KIAA0586: variants seen among roughly 807,000 people sequenced by gnomAD.
The protein encoded by KIAA0586 is KIAA0586.
Under a neutral mutation model 169.8 loss-of-function variants are expected in KIAA0586, and 144 were observed. That is an observed-to-expected ratio of 0.85 (90% CI 0.74 to 0.97). The LOEUF (loss-of-function observed/expected upper bound fraction) is 0.97, where lower values mean the gene tolerates loss of function less well. Ranked by LOEUF, KIAA0586 falls within the 50% of genes least tolerant of loss-of-function variation. The pLI is 0.00. For synonymous variants in KIAA0586, 625 were observed against 612.4 expected (o/e 1.02, Z -0.30); for missense variants, 1,854 against 1,823.0 (o/e 1.02, Z -0.31).
intron 20 of KIAA0586, among the ~76,000 whole-genome samples, chr14:58,478,599 T>A (rs2041822878): frequency 6.6e-6 from 1 of 152,162 alleles, no homozygotes; most frequent in Admixed American, 6.5e-5. Context: ...CCCAAAGCAC[T>A]GGGATTACAG....
intron 8 of KIAA0586, among the ~76,000 whole-genome samples, chr14:58,451,399 G>C (rs2039377175): frequency 6.6e-6 from 1 of 151,202 alleles, no homozygotes; most frequent in Non-Finnish European, 1.5e-5. Flanking sequence ...GCTAATTTTT[G>C]TATTTTTCAT....
In KIAA0586 at chr14:58,448,406, G is replaced by C. The variant is rs2039083806; in HGVS notation, c.874G>C (p.Ala292Pro). The change falls in exon 7 of 31, where the codon GCA (alanine) becomes CCA (proline). Residue 292 changes from alanine (A) to proline (P), a missense_variant. Physicochemically the swap from Ala to Pro is conservative, Grantham distance 27. Transcript: ENST00000652326. The stretch of plus-strand genomic sequence containing the variant: ...GCCTGTTAGTATGCCCTCCTCCAGA[G>C]CAGTGGAAAAGTATTCCGTAAAACC... ...FQPVSMPSSR[A>P]VEKYSVKPEH... 6.2e-7 allele frequency: 1 copy of C among 1,609,876 alleles called. No homozygotes were observed. Among genetic ancestry groups the C allele is most frequent in the Admixed American group, 1.7e-5 (1 of 59,932 alleles).
chr14:58,510,573 T>A (rs1312678886), intron 28 of KIAA0586, among the ~76,000 whole-genome samples: 1 of 152,142 alleles, frequency 6.6e-6, no homozygotes, highest in African/African-American at 2.4e-5. Context: ...GAAAAGAGCT[T>A]GGCCATTTAA....
Position 58,547,947 on chromosome 14 carries a change from C to G in KIAA0586, c.*15C>G, listed in dbSNP as rs781521163. On this transcript the variant is annotated 3_prime_UTR_variant, in exon 31 of 31. Coordinates refer to ENST00000652326, the MANE Select transcript of KIAA0586 (RefSeq NM_001329943.3). ...ATACCTTCTGAACGGGAAGAGACAG[C>G]CAGCACAGTGTTTATGCCACTGGTT... 3 of 1,612,606 alleles carry G rather than the reference C, an allele frequency of 1.9e-6. No homozygotes were observed. The South Asian group carries it at 3.3e-5, about 18-fold the overall frequency.
intron 29 of KIAA0586, chr14:58,521,433 G>A: frequency 1.3e-6 from 1 of 772,882 alleles, no homozygotes; most frequent in East Asian, 3.0e-5. Flanking sequence ...AGGTGGAGAT[G>A]TACAGCTCCT....
intron 26 of KIAA0586, among the ~76,000 whole-genome samples, chr14:58,493,450 T>C (rs2042951756): frequency 6.6e-6 from 1 of 152,202 alleles, no homozygotes; most frequent in African/African-American, 2.4e-5. Flanking sequence ...ACTAGGATTC[T>C]TGATCTATAG....
chr14:58,495,664 A>T (rs2043116858), intron 26 of KIAA0586, among the ~76,000 whole-genome samples: 2 of 152,104 alleles, frequency 1.3e-5, no homozygotes, highest in Admixed American at 1.3e-4. Context: ...AGCAGGTTGC[A>T]AGGCTTTTTA....
chr14:58,470,673 C>T lies in KIAA0586; in HGVS notation c.2503C>T (p.Leu835=). 1 of 1,610,336 alleles carries T rather than the reference C, an allele frequency of 6.2e-7. No homozygotes were observed. The highest frequency in any genetic ancestry group is 2.2e-5 in the East Asian group (1 of 44,724). ...TAGTAGTGCTGATGTCCTTTCACCT[C>T]TGTCTAGCCCCAAAGAAGCATCTCT... ...SNSSADVLSP[L]SSPKEASLPP... The change falls in exon 17 of 31, where the codon CTG becomes TTG. Residue 835 remains leucine (L), a synonymous_variant. Transcript: ENST00000652326.
chr14:58,543,153 G>GA (rs2046765480), intron 30 of KIAA0586, among the ~76,000 whole-genome samples: 1 of 142,506 alleles, frequency 7.0e-6, no homozygotes, highest in Non-Finnish European at 1.5e-5. Flanking sequence ...AAAAAGAAAA[G>GA]AAACACCTCT....
intron 17 of KIAA0586, among the ~76,000 whole-genome samples, chr14:58,471,432 C>G (rs2041205368): frequency 6.6e-6 from 1 of 152,102 alleles, no homozygotes; most frequent in South Asian, 2.1e-4. Flanking sequence ...GCATTTCTTC[C>G]TGGCATTTAT....
At chr14:58,446,521 A>ATG (rs960703062) in intron 6 of KIAA0586, among the ~76,000 whole-genome samples, 19 of 152,092 alleles carry the variant, frequency 1.2e-4, no homozygotes, top group Non-Finnish European at 1.9e-4. Context: ...ATGTATATAT[A>ATG]TGTGTGTGTG....
intron 10 of KIAA0586, 60 bp downstream of exon 10, chr14:58,456,870 A>T: frequency 1.1e-6 from 1 of 872,438 alleles, no homozygotes; most frequent in Non-Finnish European, 1.8e-6. Flanking sequence ...AAAAGGAATA[A>T]AAGAGTTATA....
the KIAA0586 span, among the ~76,000 whole-genome samples, chr14:58,560,266 G>A: frequency 8.5e-4 from 129 of 152,302 alleles, 3 homozygotes; most frequent in South Asian, 8.3e-4. Flanking sequence ...ATTACTAGAG[G>A]ACAGGAAACT....
Position 58,547,855 on chromosome 14 carries a change from C to G in KIAA0586, c.4570C>G (p.Leu1524Val), listed in dbSNP as rs2047078809. ...GTCAGTGATGCTGCCGTCAGTGAAC[C>G]TCGAGGACTGCTCTCAGTCTCTGAG... ...KMSVMLPSVN[L>V]EDCSQSLSLS... The change falls in exon 31 of 31, where the codon CTC (leucine) becomes GTC (valine). Residue 1524 changes from leucine to valine, a missense_variant. By Grantham distance (32) the Leu-to-Val change is conservative. Transcript: ENST00000652326. 2 of 1,613,716 alleles carry G rather than the reference C, an allele frequency of 1.2e-6. No individual in the cohort carries two copies. The highest frequency in any genetic ancestry group is 4.5e-5 in the East Asian group (2 of 44,884).
Position 58,550,498 on chromosome 14 carries a change from A to G in KIAA0586, c.*2566A>G, listed in dbSNP as rs2047175528. On this transcript the variant is annotated 3_prime_UTR_variant, in exon 31 of 31. Transcript: ENST00000652326. ...TTCCAACTTCCGGAATAAACTATTT[A>G]TGAGACATGCTATTAAGAGACTATC... 6.6e-6 allele frequency: 1 copy of G among 152,106 alleles called. No homozygotes were observed. The highest frequency in any genetic ancestry group is 2.4e-5 in the African/African-American group (1 of 41,420). 9.4% of individuals were successfully genotyped at this position (152,106 alleles called of 1,614,324 possible).
At chr14:58,555,390 C>T (rs373309500), downstream of KIAA0586, among the ~76,000 whole-genome samples, 19 of 152,198 alleles carry the variant, frequency 1.2e-4, 1 homozygote, top group Admixed American at 4.6e-4. Flanking sequence ...CGTGAGCCAC[C>T]GCACCTGGCC....
In KIAA0586 at chr14:58,504,467, ATGCCTT is replaced by A. The variant is rs532558953; in HGVS notation, c.4169-4085_4169-4080del. Among the ~76,000 whole-genome samples the A allele has an allele frequency of 1.6e-3, 239 of 152,322 alleles. 1 individual carries two copies. The highest frequency in any genetic ancestry group is 3.0e-3 in the Non-Finnish European group (207 of 68,022). On this transcript the variant is annotated intron_variant, in intron 27 of 30. Coordinates refer to ENST00000652326, the MANE Select transcript of KIAA0586 (RefSeq NM_001329943.3). ...GGGGTTTATACATACTGAATTTGTG[ATGCCTT>A]TGACTTTCATACAAATGAAAAAAAT...
At chr14:58,525,900 G>A (rs1455923718) in intron 29 of KIAA0586, among the ~76,000 whole-genome samples, 1 of 152,194 alleles carries the variant, frequency 6.6e-6, no homozygotes, top group African/African-American at 2.4e-5. Flanking sequence ...CATTACTGAG[G>A]CTTGAGTAGG....
At chr14:58,504,332 C>CT (rs1263073219) in intron 27 of KIAA0586, among the ~76,000 whole-genome samples, 1 of 152,070 alleles carries the variant, frequency 6.6e-6, no homozygotes, top group Non-Finnish European at 1.5e-5. Context: ...AGCAGAAAGT[C>CT]TAAGAAATCC....
Sources: gnomAD v4.1 joint callset for allele counts (sites outside exome capture counted in the v4.1 genomes callset) on GRCh38, gnomAD v4.1.1 for gene constraint, MANE v1.5 for transcripts, NCBI Gene and HGNC (gene_info 2026-07-23, HGNC 2026-07-21) for gene names.